The following PDXDC1 variants were observed in gnomAD, a reference collection of about 807,000 sequenced individuals.
The protein encoded by PDXDC1 is pyridoxal-dependent decarboxylase domain-containing protein 1.
In PDXDC1, 42 loss-of-function variants were observed where a neutral mutation model predicts 100.1. The ratio of observed to expected loss-of-function variants is 0.42; its 90% CI spans 0.33 to 0.54. PDXDC1 has a LOEUF of 0.54. Among genes scored for constraint, PDXDC1 ranks in the 20% least tolerant of loss-of-function variants. The pLI is 0.10. For missense variants in PDXDC1, 636 were observed against 979.2 expected (o/e 0.65, Z 4.68); for synonymous variants, 260 against 371.7 (o/e 0.70, Z 3.46).
chr16:15,087,309 A>G (rs888724478), intron 16 of PDXDC1, among the ~76,000 whole-genome samples: 3 of 152,206 alleles, frequency 2.0e-5, no homozygotes, highest in African/African-American at 7.2e-5. Flanking sequence ...TCTTCTTCTA[A>G]TCCTAAAAAC....
Position 15,033,317 on chromosome 16 carries a change from G to A in PDXDC1, c.1730G>A (p.Gly577Asp). 6.2e-7 allele frequency: 1 copy of A among 1,614,148 alleles called. No homozygotes were observed. The highest frequency in any genetic ancestry group is 8.5e-7 in the Non-Finnish European group (1 of 1,179,986). ...YKSMKSCLYV[G>D]MASDNVDAAE... ...AGCATGAAGAGCTGCCTTTATGTCG[G>A]CATGGCGAGCGACAACGTCGATGCT... The change falls in exon 19 of 23, where the codon GGC becomes GAC. Residue 577 changes from glycine (G) to aspartate (D), a missense_variant. Gly to Asp is a moderately conservative substitution (Grantham distance 94, BLOSUM62 -1). Coordinates refer to ENST00000396410, the MANE Select transcript of PDXDC1 (RefSeq NM_015027.4).
chr16:15,039,937 TAA>T, downstream of PDXDC1: 1 of 1,267,726 alleles, frequency 7.9e-7, no homozygotes, highest in Admixed American at 2.1e-5. Context: ...TTTTTTTTTT[TAA>T]CCCCTTAACA....
chr16:15,005,524 A>G (rs1363365163), intron 5 of PDXDC1, among the ~76,000 whole-genome samples: 2 of 152,278 alleles, frequency 1.3e-5, no homozygotes, highest in Non-Finnish European at 2.9e-5. Context: ...AGAGACCCTG[A>G]CTTTCAGTGT....
At chr16:14,979,815 T>G (rs1214302433) in intron 1 of PDXDC1, among the ~76,000 whole-genome samples, 1 of 152,290 alleles carries the variant, frequency 6.6e-6, no homozygotes, top group African/African-American at 2.4e-5. Flanking sequence ...TACTTACTGA[T>G]AAGGACTCCG....
downstream of PDXDC1, among the ~76,000 whole-genome samples, chr16:15,141,881 G>T (rs2048480804): frequency 6.6e-6 from 1 of 152,214 alleles, no homozygotes; most frequent in Non-Finnish European, 1.5e-5. Context: ...GTAAGGAACT[G>T]CAGTTAGACC....
At chr16:15,110,948 G>C in intron 16 of PDXDC1, 1 of 730,196 alleles carries the variant, frequency 1.4e-6, no homozygotes, top group South Asian at 1.8e-5. Flanking sequence ...GGCCAAGATG[G>C]TGAAACCCCA....
At chr16:14,998,304 A>G in intron 2 of PDXDC1, 36 bp from the exon 3 acceptor site, 1 of 1,599,652 alleles carries the variant, frequency 6.3e-7, no homozygotes, top group Non-Finnish European at 8.5e-7. Flanking sequence ...TGGTATGATG[A>G]AACAAATGAA....
At chr16:15,059,062 C>T (rs1435121261) in intron 16 of PDXDC1, among the ~76,000 whole-genome samples, 1 of 152,208 alleles carries the variant, frequency 6.6e-6, no homozygotes, top group Non-Finnish European at 1.5e-5. Context: ...GAAAAGTATG[C>T]AGTTGTACAC....
At chr16:15,081,115 T>C (rs2045686081) in intron 16 of PDXDC1, among the ~76,000 whole-genome samples, 1 of 152,252 alleles carries the variant, frequency 6.6e-6, no homozygotes, top group Non-Finnish European at 1.5e-5. Context: ...TGTCTGTTCA[T>C]CAGTTGACAG....
intron 13 of PDXDC1, chr16:15,025,849 C>T (rs2042557227): frequency 1.3e-5 from 2 of 152,490 alleles, no homozygotes; most frequent in Non-Finnish European, 2.9e-5. Flanking sequence ...TCAGGGTATA[C>T]TGTTTGATGC....
chr16:15,097,892 G>A (rs2046412564), intron 16 of PDXDC1, among the ~76,000 whole-genome samples: 2 of 142,998 alleles, frequency 1.4e-5, no homozygotes, highest in Admixed American at 1.4e-4. Flanking sequence ...ATTTTATAAA[G>A]TTATCTCCAT....
intron 16 of PDXDC1, chr16:15,104,385 G>C: frequency 6.3e-7 from 1 of 1,596,456 alleles, no homozygotes; most frequent in Non-Finnish European, 8.5e-7. Flanking sequence ...GGGTGGAAGG[G>C]GAGTGAGCAG....
rs997035311 is a variant in PDXDC1 at position 15,037,375 on chromosome 16, T to C, written c.*1100T>C. 6.6e-6 allele frequency: 1 copy of C among 152,176 alleles called. No individual in the cohort carries two copies. The highest frequency in any genetic ancestry group is 1.5e-5 in the Non-Finnish European group (1 of 68,056). 9.4% of individuals were successfully genotyped at this position (152,176 alleles called of 1,614,324 possible). On this transcript the variant is annotated 3_prime_UTR_variant, in exon 23 of 23. Transcript: ENST00000396410. Reference sequence around the variant, plus strand: ...TGAAAATGGGAAAATTCACACTGGGTTTCTGGACTGTAGTATTGGAAGCCT... The same window carrying C: ...TGAAAATGGGAAAATTCACACTGGGCTTCTGGACTGTAGTATTGGAAGCCT...
the PDXDC1 span, among the ~76,000 whole-genome samples, chr16:15,144,963 C>A: frequency 6.6e-6 from 1 of 152,194 alleles, no homozygotes; most frequent in South Asian, 2.1e-4. Context: ...CTGCACACAG[C>A]TGACATGGAG....
At chr16:15,145,642 G>T in the PDXDC1 span, among the ~76,000 whole-genome samples, 1 of 152,248 alleles carries the variant, frequency 6.6e-6, no homozygotes, top group Non-Finnish European at 1.5e-5. Context: ...CCCTTCTCCT[G>T]CCACCAGTGC....
rs2043524028 is a variant in PDXDC1, at chr16:15,037,398, C to CCTTAGTTATAGTATA, written c.*1124_*1138dup. On this transcript the variant is annotated 3_prime_UTR_variant, in exon 23 of 23. Coordinates refer to ENST00000396410, the MANE Select transcript of PDXDC1 (RefSeq NM_015027.4). The stretch of plus-strand genomic sequence containing the variant: ...GGTTTCTGGACTGTAGTATTGGAAG[C>CCTTAGTTATAGTATA]CTTAGTTATAGTATATTAAGCCTAT... 6.6e-6 allele frequency: 1 copy of CCTTAGTTATAGTATA among 152,014 alleles called. No homozygotes were observed. The highest frequency in any genetic ancestry group is 2.4e-5 in the African/African-American group (1 of 41,378). 9.4% of individuals were successfully genotyped at this position (152,014 alleles called of 1,614,324 possible). A position where few individuals can be genotyped will look rare whatever the true frequency, so the allele number is the denominator to read the frequency against.
intron 13 of PDXDC1, chr16:15,026,176 G>C (rs1166394512): frequency 6.1e-6 from 1 of 164,102 alleles, no homozygotes; most frequent in Non-Finnish European, 1.3e-5. Context: ...GCCAAAGTAG[G>C]AGGATTAATT....
intron 16 of PDXDC1, chr16:15,107,048 A>C (rs2151861735): frequency 6.0e-6 from 1 of 167,930 alleles, no homozygotes; most frequent in Middle Eastern, 2.3e-3. Context: ...TAAGGATGAC[A>C]ACAACTCACC....
downstream of PDXDC1, chr16:15,040,145 C>G (rs376660426): frequency 1.5e-5 from 11 of 756,126 alleles, no homozygotes; most frequent in East Asian, 2.6e-4. Flanking sequence ...TTTCTACCAC[C>G]ACTCCTAAGA....
Sources: gnomAD v4.1 joint callset for allele counts (sites outside exome capture counted in the v4.1 genomes callset) on GRCh38, gnomAD v4.1.1 for gene constraint, MANE v1.5 for transcripts, NCBI Gene and HGNC (gene_info 2026-07-23, HGNC 2026-07-21) for gene names.